Variants in KCND2 observed in about 807,000 individuals in gnomAD.
KCND2 encodes the protein A-type voltage-gated potassium channel KCND2.
Under a neutral mutation model 54.4 loss-of-function variants are expected in KCND2, and 16 were observed. The ratio of observed to expected loss-of-function variants is 0.29; its 90% CI spans 0.20 to 0.45. The LOEUF is 0.45. KCND2 is among the 20% of genes least tolerant of loss of function. The pLI is 1.00. For missense variants in KCND2, 486 were observed against 824.2 expected (o/e 0.59, Z 5.02); for synonymous variants, 317 against 310.7 (o/e 1.02, Z -0.21).
intron 1 of KCND2, among the ~76,000 whole-genome samples, chr7:120,276,574 T>C (rs1799178522): frequency 1.3e-5 from 2 of 152,178 alleles, no homozygotes; most frequent in African/African-American, 4.8e-5. Flanking sequence ...CTGGCTGTAT[T>C]ATAAAATTTG....
In KCND2 at chr7:120,410,476, A is replaced by G. The variant is rs557777308; in HGVS notation, c.1115+134729A>G. ...ATTAAATATGTAGATCACCAATAGT[A>G]GTATCTTCATAATAGTGTGTCGTCT... On this transcript the variant is annotated intron_variant, in intron 1 of 5. Transcript: ENST00000331113. Among the ~76,000 whole-genome samples, 3 of 152,084 alleles carry G rather than the reference A, an allele frequency of 2.0e-5. No individual in the cohort carries two copies. In the East Asian group the frequency reaches 5.8e-4, roughly 29 times the overall value.
At chr7:120,739,272 G>A (rs1477288681) in intron 2 of KCND2, among the ~76,000 whole-genome samples, 1 of 151,970 alleles carries the variant, frequency 6.6e-6, no homozygotes, top group Non-Finnish European at 1.5e-5. Context: ...GAAAGGCAAT[G>A]AATGTTCCAG....
chr7:120,631,360 A>C (rs998743810), intron 1 of KCND2, among the ~76,000 whole-genome samples: 26 of 152,140 alleles, frequency 1.7e-4, no homozygotes, highest in Admixed American at 1.2e-3. Context: ...TAATAATCAA[A>C]GCTAGTATCT....
At chr7:120,616,884 C>T (rs1463249471) in intron 1 of KCND2, among the ~76,000 whole-genome samples, 2 of 152,140 alleles carry the variant, frequency 1.3e-5, no homozygotes, top group Admixed American at 1.3e-4. Flanking sequence ...TCTTCCTTCT[C>T]TGCCCTCTGT....
chr7:120,377,379 A>G (rs1012881554), intron 1 of KCND2, among the ~76,000 whole-genome samples: 3 of 151,940 alleles, frequency 2.0e-5, no homozygotes, highest in Non-Finnish European at 4.4e-5. Flanking sequence ...TCAAGTTTTG[A>G]CAACCAGAAA....
Position 120,749,968 on chromosome 7 carries a change from A to C in KCND2, c.*2110A>C, listed in dbSNP as rs530694339. The C allele has an allele frequency of 5.3e-5, 8 of 152,076 alleles. No individual in the cohort carries two copies. Among genetic ancestry groups the C allele is most frequent in the Non-Finnish European group, 1.0e-4 (7 of 67,850 alleles). 9.4% of individuals were successfully genotyped at this position (152,076 alleles called of 1,614,324 possible). A position where few individuals can be genotyped will look rare whatever the true frequency, so the allele number is the denominator to read the frequency against. On this transcript the variant is annotated 3_prime_UTR_variant, in exon 6 of 6. Transcript: ENST00000331113. ...TCATGTTCTTAATATTACATACAAGAAAATGCAGTTAGGTTATTTCAATTG... is the reference window on the plus strand; with the variant it reads ...TCATGTTCTTAATATTACATACAAGCAAATGCAGTTAGGTTATTTCAATTG...
intron 1 of KCND2, among the ~76,000 whole-genome samples, chr7:120,324,837 A>T (rs1258140845): frequency 2.0e-5 from 3 of 150,060 alleles, no homozygotes; most frequent in African/African-American, 7.4e-5. Flanking sequence ...TTCTGTGAAG[A>T]AAGGCATTGG....
At position 120,660,127 on chromosome 7, in the gene KCND2, A is replaced by G. The variant is rs74677181; in HGVS notation, c.1116-72776A>G. Among the ~76,000 whole-genome samples, 1,012 of 152,322 alleles carry G rather than the reference A, an allele frequency of 6.6e-3. 9 individuals are homozygous for G. The highest frequency in any genetic ancestry group is 0.022 in the African/African-American group (934 of 41,574). On this transcript the variant is annotated intron_variant, in intron 1 of 5. Coordinates refer to ENST00000331113, the MANE Select transcript of KCND2 (RefSeq NM_012281.3). ...TTTCCCCCTTCTGCAACACATGGGC[A>G]TGACTTACTGCTACTTTCAAATATA...
At chr7:120,412,003 C>A (rs1298585569) in intron 1 of KCND2, among the ~76,000 whole-genome samples, 1 of 151,862 alleles carries the variant, frequency 6.6e-6, no homozygotes, top group African/African-American at 2.4e-5. Context: ...GATAGGTAAG[C>A]TTTCATTAAT....
In KCND2 at chr7:120,747,874, G is replaced by A; in HGVS notation, c.*16G>A. 2 of 1,596,202 alleles carry A rather than the reference G, an allele frequency of 1.3e-6. No individual in the cohort carries two copies. The highest frequency in any genetic ancestry group is 1.7e-6 in the Non-Finnish European group (2 of 1,165,318). ...TGCTTTGTAAGACAATTGGAATAAG[G>A]TCTAAGAGAATTCGAGCCCTGGCTG... On this transcript the variant is annotated 3_prime_UTR_variant, in exon 6 of 6. Coordinates refer to ENST00000331113, the MANE Select transcript of KCND2 (RefSeq NM_012281.3).
intron 1 of KCND2, among the ~76,000 whole-genome samples, chr7:120,301,168 T>G (rs946301397): frequency 1.2e-4 from 18 of 152,178 alleles, no homozygotes; most frequent in Non-Finnish European, 1.9e-4. Context: ...AAATGTTGTT[T>G]TAAATGTTCT....
At chr7:120,587,356 C>A (rs1404131766) in intron 1 of KCND2, among the ~76,000 whole-genome samples, 1 of 152,158 alleles carries the variant, frequency 6.6e-6, no homozygotes, top group Non-Finnish European at 1.5e-5. Flanking sequence ...CATTTACAAC[C>A]TTGCCAAGTA....
intron 1 of KCND2, among the ~76,000 whole-genome samples, chr7:120,667,263 A>C (rs1273781766): frequency 6.6e-6 from 1 of 152,040 alleles, no homozygotes; most frequent in African/African-American, 2.4e-5. Context: ...AAGATTCTTA[A>C]CTTTGGGAGA....
intron 1 of KCND2, among the ~76,000 whole-genome samples, chr7:120,380,648 A>G (rs1220215883): frequency 6.6e-6 from 1 of 152,022 alleles, no homozygotes; most frequent in African/African-American, 2.4e-5. Context: ...ATTGCTACAC[A>G]TTTACTAATG....
At chr7:120,353,934 G>A (rs538695494) in intron 1 of KCND2, among the ~76,000 whole-genome samples, 11 of 152,122 alleles carry the variant, frequency 7.2e-5, no homozygotes, top group Non-Finnish European at 1.6e-4. Context: ...TTTCACTTAA[G>A]AATGTGGATG....
chr7:120,477,204 G>C (rs930237458), intron 1 of KCND2, among the ~76,000 whole-genome samples: 1 of 152,136 alleles, frequency 6.6e-6, no homozygotes, highest in Admixed American at 6.6e-5. Flanking sequence ...GTGGCATTCT[G>C]AGCTTCAAAT....
chr7:120,492,012 A>C (rs1441885734), intron 1 of KCND2, among the ~76,000 whole-genome samples: 3 of 152,094 alleles, frequency 2.0e-5, no homozygotes, highest in Non-Finnish European at 2.9e-5. Context: ...CCCTGTTTTG[A>C]AATGAAAAAA....
At chr7:120,491,043 G>A (rs540516053) in intron 1 of KCND2, among the ~76,000 whole-genome samples, 3 of 152,244 alleles carry the variant, frequency 2.0e-5, no homozygotes, top group Admixed American at 1.3e-4. Flanking sequence ...TCACGTTGCT[G>A]AGACATAGGG....
chr7:120,719,207 C>T (rs1304178805), intron 1 of KCND2, among the ~76,000 whole-genome samples: 1 of 152,150 alleles, frequency 6.6e-6, no homozygotes, highest in Non-Finnish European at 1.5e-5. Flanking sequence ...GTGCTTTTAT[C>T]TAACCAGACA....
Sources: allele counts gnomAD v4.1 joint callset (sites outside exome capture counted in the v4.1 genomes callset), GRCh38; gene constraint gnomAD v4.1.1; transcripts MANE v1.5; gene names NCBI Gene and HGNC (gene_info 2026-07-23, HGNC 2026-07-21).